The following CSMD1 variants were observed in gnomAD, a reference collection of about 807,000 sequenced individuals.
CSMD1 encodes the protein CUB and Sushi multiple domains 1.
Under a neutral mutation model 417.5 loss-of-function variants are expected in CSMD1, and 213 were observed. The ratio of observed to expected loss-of-function variants is 0.51; its 90% CI spans 0.46 to 0.57. The LOEUF is 0.57. Among genes scored for constraint, CSMD1 ranks in the 20% least tolerant of loss-of-function variants. The probability of loss-of-function intolerance (pLI) is 0.00; values close to 1 mark genes in which losing one functional copy is unlikely to be tolerated. For missense variants in CSMD1, 6,923 were observed against 4,529.7 expected, an observed-to-expected ratio of 1.53 and a Z score of -15.17; for synonymous variants, 2,862 against 1,736.8, an observed-to-expected ratio of 1.65 and a Z score of -16.11.
At chr8:4,424,203 A>C (rs2163304) in intron 2 of CSMD1, among the ~76,000 whole-genome samples, 64,777 of 151,778 alleles carry the variant, frequency 0.43, 14,709 homozygotes, top group Non-Finnish European at 0.51. Flanking sequence ...GGATTTCATA[A>C]AAATTAAAAA....
At chr8:4,914,678 C>T (rs371473687) in intron 1 of CSMD1, among the ~76,000 whole-genome samples, 1 of 151,738 alleles carries the variant, frequency 6.6e-6, no homozygotes, top group South Asian at 2.1e-4. Context: ...GACACTAATC[C>T]GTGAAAATGA....
At chr8:4,331,123 C>G (rs1225265206) in intron 3 of CSMD1, among the ~76,000 whole-genome samples, 1 of 152,200 alleles carries the variant, frequency 6.6e-6, no homozygotes, top group East Asian at 1.9e-4. Context: ...AATATATTTC[C>G]CGAAACTAAA....
intron 1 of CSMD1, among the ~76,000 whole-genome samples, chr8:4,750,052 G>T (rs947545881): frequency 1.3e-5 from 2 of 150,526 alleles, no homozygotes; most frequent in African/African-American, 2.4e-5. Context: ...TGTCGCCCAG[G>T]CTGGAGTGCA....
chr8:4,371,987 G>A (rs1212884040), intron 3 of CSMD1, among the ~76,000 whole-genome samples: 3 of 152,298 alleles, frequency 2.0e-5, no homozygotes, highest in Admixed American at 6.5e-5. Flanking sequence ...GAAATGTTAT[G>A]ACTGAAGACA....
intron 66 of CSMD1, 36 bp from the exon 67 acceptor site, chr8:2,950,379 G>T (rs764477883): frequency 1.5e-6 from 2 of 1,293,510 alleles, no homozygotes; most frequent in South Asian, 1.2e-5. Context: ...TTACCTTGGA[G>T]AAAGTTAGTA....
At chr8:3,150,138 A>C (rs1469404992) in intron 40 of CSMD1, among the ~76,000 whole-genome samples, 2 of 152,226 alleles carry the variant, frequency 1.3e-5, no homozygotes, top group Non-Finnish European at 2.9e-5. Flanking sequence ...TAGCCCTGGC[A>C]GAATCACTGC....
At chr8:4,562,267 C>G (rs1173097400) in intron 2 of CSMD1, among the ~76,000 whole-genome samples, 2 of 152,152 alleles carry the variant, frequency 1.3e-5, no homozygotes, top group Non-Finnish European at 2.9e-5. Flanking sequence ...GGCATCATTA[C>G]GCGAGCAGAG....
intron 8 of CSMD1, among the ~76,000 whole-genome samples, chr8:3,605,737 C>G (rs906820210): frequency 2.0e-5 from 3 of 152,154 alleles, no homozygotes; most frequent in Non-Finnish European, 4.4e-5. Flanking sequence ...GTAACATGCA[C>G]ATACCAAGGA....
chr8:3,748,282 GAATT>G (rs940444075), intron 6 of CSMD1, among the ~76,000 whole-genome samples: 13 of 152,210 alleles, frequency 8.5e-5, no homozygotes, highest in South Asian at 2.1e-4. Context: ...GTGGTTTTAA[GAATT>G]ATTTAAAGGT....
intron 10 of CSMD1, among the ~76,000 whole-genome samples, chr8:3,546,787 G>A (rs186750695): frequency 7.6e-4 from 115 of 152,306 alleles, no homozygotes; most frequent in African/African-American, 2.4e-3. Flanking sequence ...TTTTGAACAG[G>A]ATTCTGCAGC....
intron 3 of CSMD1, among the ~76,000 whole-genome samples, chr8:4,307,436 A>G (rs1585200720): frequency 6.6e-6 from 1 of 152,164 alleles, no homozygotes; most frequent in South Asian, 2.1e-4. Flanking sequence ...TTGAGATGCT[A>G]TCATCAACTT....
At chr8:4,484,004 C>T (rs909397951) in intron 2 of CSMD1, among the ~76,000 whole-genome samples, 2 of 152,100 alleles carry the variant, frequency 1.3e-5, no homozygotes, top group Non-Finnish European at 2.9e-5. Context: ...AGAAACATCC[C>T]ATTGCCTGTT....
intron 5 of CSMD1, among the ~76,000 whole-genome samples, chr8:3,780,790 G>A (rs1036138990): frequency 2.6e-5 from 4 of 152,178 alleles, no homozygotes; most frequent in Admixed American, 2.0e-4. Flanking sequence ...CTAAAAGAAA[G>A]TAATTCAATC....
At chr8:3,071,932 T>A (rs538722698) in intron 49 of CSMD1, among the ~76,000 whole-genome samples, 1 of 152,260 alleles carries the variant, frequency 6.6e-6, no homozygotes, top group Non-Finnish European at 1.5e-5. Flanking sequence ...TCTACTGTTT[T>A]ACTCCTCATG....
chr8:3,999,258 C>T (rs1381526781), intron 4 of CSMD1, among the ~76,000 whole-genome samples: 6 of 151,922 alleles, frequency 3.9e-5, no homozygotes, highest in Non-Finnish European at 8.8e-5. Flanking sequence ...TAAAAGTCAG[C>T]CTGTTACCAA....
At chr8:4,051,213 C>A (rs1051848902) in intron 3 of CSMD1, among the ~76,000 whole-genome samples, 2 of 151,390 alleles carry the variant, frequency 1.3e-5, no homozygotes, top group Admixed American at 6.6e-5. Context: ...CACAGCCTCC[C>A]AGGGACCAGG....
At chr8:4,155,056 C>G (rs562302907) in intron 3 of CSMD1, among the ~76,000 whole-genome samples, 3 of 152,172 alleles carry the variant, frequency 2.0e-5, no homozygotes, top group Admixed American at 1.3e-4. Context: ...AGAATTTGTC[C>G]TGTTCCAGGC....
intron 1 of CSMD1, among the ~76,000 whole-genome samples, chr8:4,811,694 AAAT>A (rs1563463143): frequency 3.3e-5 from 5 of 152,074 alleles, no homozygotes; most frequent in African/African-American, 1.2e-4. Flanking sequence ...TGAGTCACAG[AAAT>A]AAGAAAAAAA....
intron 1 of CSMD1, among the ~76,000 whole-genome samples, chr8:4,979,714 A>G (rs1227476864): frequency 1.3e-5 from 2 of 152,216 alleles, no homozygotes; most frequent in Non-Finnish European, 2.9e-5. Context: ...AGTGACAAAT[A>G]TACAGATCAA....
Sources: gnomAD v4.1 joint callset for allele counts (sites outside exome capture counted in the v4.1 genomes callset) on GRCh38, gnomAD v4.1.1 for gene constraint, MANE v1.5 for transcripts, NCBI Gene and HGNC (gene_info 2026-07-23, HGNC 2026-07-21) for gene names.